DOCK4: variants seen among roughly 807,000 people sequenced by gnomAD.
DOCK4 encodes the protein dedicator of cytokinesis protein 4.
A neutral mutation model predicts 268.1 loss-of-function variants in DOCK4; 97 were observed. The ratio of observed to expected loss-of-function variants is 0.36; its 90% CI spans 0.31 to 0.43. The LOEUF (loss-of-function observed/expected upper bound fraction) is 0.43, where lower values mean the gene tolerates loss of function less well. DOCK4 is among the 20% of genes least tolerant of loss of function. The pLI is 1.00. For synonymous variants in DOCK4, 954 were observed against 887.2 expected (o/e 1.08, Z -1.34); for missense variants, 2,145 against 2,455.7 (o/e 0.87, Z 2.67).
chr7:112,006,938 A>C (rs979282658), intron 1 of DOCK4, among the ~76,000 whole-genome samples: 10 of 152,016 alleles, frequency 6.6e-5, no homozygotes, highest in African/African-American at 2.2e-4. Context: ...GCCACACACA[A>C]ATTCTCATTA....
intron 1 of DOCK4, among the ~76,000 whole-genome samples, chr7:112,111,543 T>TA (rs1435754246): frequency 4.6e-5 from 7 of 152,216 alleles, no homozygotes; most frequent in African/African-American, 1.4e-4. Context: ...CCATTTTTTT[T>TA]ATTTTAATTC....
chr7:111,747,765 T>C (rs1277444987), intron 42 of DOCK4, among the ~76,000 whole-genome samples: 2 of 152,206 alleles, frequency 1.3e-5, no homozygotes, highest in Non-Finnish European at 2.9e-5. Flanking sequence ...TAGTTTTTTT[T>C]TTCTTTTGAA....
chr7:111,747,787 T>C (rs1335998533), intron 42 of DOCK4, among the ~76,000 whole-genome samples: 4 of 152,114 alleles, frequency 2.6e-5, no homozygotes, highest in Non-Finnish European at 5.9e-5. Context: ...GGTTAAATAT[T>C]CAGAGACCCT....
intron 13 of DOCK4, among the ~76,000 whole-genome samples, chr7:111,903,560 T>C (rs528292794): frequency 6.6e-6 from 1 of 152,338 alleles, no homozygotes; most frequent in South Asian, 2.1e-4. Flanking sequence ...TTATGTTTAT[T>C]AGACTTTCTA....
chr7:111,759,672 C>A (rs1056420751), intron 40 of DOCK4, among the ~76,000 whole-genome samples: 14 of 151,544 alleles, frequency 9.2e-5, no homozygotes, highest in Admixed American at 5.9e-4. Flanking sequence ...ACAATAAGAG[C>A]ATGAATTATA....
Position 112,072,189 on chromosome 7 carries a change from A to G in DOCK4, c.38-68058T>C, listed in dbSNP as rs539843952. On this transcript the variant is annotated intron_variant, in intron 1 of 52. Transcript: ENST00000428084. ...ATTTCCATGTACTCAGTAACTACAA[A>G]GAGCTCACAGATTTATTACCTCTTT... Among the ~76,000 whole-genome samples, 8 of 151,822 alleles carry G rather than the reference A, an allele frequency of 5.3e-5. No homozygotes were observed. The South Asian group carries it at 1.7e-3, about 32-fold the overall frequency.
chr7:112,138,903 T>G (rs904180092), intron 1 of DOCK4, among the ~76,000 whole-genome samples: 2 of 152,094 alleles, frequency 1.3e-5, no homozygotes, highest in African/African-American at 4.8e-5. Flanking sequence ...AGCCAGGAAG[T>G]GGGCCTGCAT....
chr7:112,009,727 A>G (rs1267081109), intron 1 of DOCK4, among the ~76,000 whole-genome samples: 1 of 152,228 alleles, frequency 6.6e-6, no homozygotes, highest in Non-Finnish European at 1.5e-5. Context: ...GAAAAGAGAT[A>G]AAGGGGTAGA....
intron 39 of DOCK4, among the ~76,000 whole-genome samples, chr7:111,760,803 T>C (rs966661162): frequency 1.3e-5 from 2 of 150,588 alleles, no homozygotes; most frequent in African/African-American, 2.4e-5. Context: ...TTCATGATGC[T>C]CTCCTTCAGT....
chr7:112,058,028 T>A (rs1012994092), intron 1 of DOCK4, among the ~76,000 whole-genome samples: 2 of 122,466 alleles, frequency 1.6e-5, no homozygotes, highest in Admixed American at 7.4e-5. Context: ...GGTTCAATTT[T>A]TTTTTTTTTT....
intron 2 of DOCK4, among the ~76,000 whole-genome samples, chr7:112,002,482 C>G (rs938615513): frequency 5.9e-5 from 9 of 152,164 alleles, no homozygotes; most frequent in African/African-American, 1.9e-4. Flanking sequence ...CAAAATATAT[C>G]TGGCAATAAC....
chr7:111,751,604 C>G (rs1796657718), intron 42 of DOCK4, among the ~76,000 whole-genome samples: 1 of 152,040 alleles, frequency 6.6e-6, no homozygotes, highest in Non-Finnish European at 1.5e-5. Flanking sequence ...TCCACCATGC[C>G]CAGCTACTTT....
At chr7:111,821,928 A>G (rs778679777) in intron 27 of DOCK4, among the ~76,000 whole-genome samples, 6 of 152,240 alleles carry the variant, frequency 3.9e-5, no homozygotes, top group Admixed American at 1.3e-4. Context: ...ATTCAATGCA[A>G]TATTATTCAG....
At chr7:111,868,286 G>C (rs1806138169) in intron 21 of DOCK4, 132 bp from the exon 22 acceptor site, 4 of 598,360 alleles carry the variant, frequency 6.7e-6, no homozygotes, top group Non-Finnish European at 7.8e-6. Flanking sequence ...GGCCTTGTGA[G>C]GCTTTTTTGA....
intron 1 of DOCK4, among the ~76,000 whole-genome samples, chr7:112,164,719 T>C (rs1029551680): frequency 2.0e-5 from 3 of 152,248 alleles, no homozygotes; most frequent in Admixed American, 6.5e-5. Flanking sequence ...GACATCATGC[T>C]AAATGCATTG....
At chr7:111,776,142 T>C (rs983188008) in intron 36 of DOCK4, among the ~76,000 whole-genome samples, 1 of 152,184 alleles carries the variant, frequency 6.6e-6, no homozygotes, top group African/African-American at 2.4e-5. Context: ...GTCTAGAATA[T>C]AATCCAAAAT....
intron 1 of DOCK4, among the ~76,000 whole-genome samples, chr7:112,154,765 T>A (rs2116433228): frequency 6.6e-6 from 1 of 152,282 alleles, no homozygotes. Flanking sequence ...TCAAGGTATT[T>A]TTCATCATGT....
intron 1 of DOCK4, among the ~76,000 whole-genome samples, chr7:112,073,616 G>A (rs1449652808): frequency 6.6e-6 from 1 of 152,066 alleles, no homozygotes; most frequent in Non-Finnish European, 1.5e-5. Context: ...ACATGGATAA[G>A]CCTGGAAGAT....
chr7:112,060,013 G>C (rs1215835657), intron 1 of DOCK4, among the ~76,000 whole-genome samples: 1 of 152,348 alleles, frequency 6.6e-6, no homozygotes, highest in East Asian at 1.9e-4. Flanking sequence ...CAAGGTGGCA[G>C]CTAGAAGGAT....
Sources: allele counts gnomAD v4.1 joint callset (sites outside exome capture counted in the v4.1 genomes callset), GRCh38; gene constraint gnomAD v4.1.1; transcripts MANE v1.5; gene names NCBI Gene and HGNC (gene_info 2026-07-23, HGNC 2026-07-21).